LRRIQ3: variants seen among roughly 807,000 people sequenced by gnomAD.
LRRIQ3 encodes the protein leucine rich repeats and IQ motif containing 3, also known as leucine-rich repeat and IQ domain-containing protein 3.
A neutral mutation model predicts 59.3 loss-of-function variants in LRRIQ3; 75 were observed. The observed-to-expected ratio is 1.26, with a 90% CI of 1.05 to 1.53. LRRIQ3 has a LOEUF of 1.53. LRRIQ3 is among the 40% of genes most tolerant of loss of function. LRRIQ3 has a pLI of 0.00. For missense variants in LRRIQ3, 831 were observed against 710.0 expected (o/e 1.17, Z -1.94); for synonymous variants, 250 against 231.3 (o/e 1.08, Z -0.73).
intron 6 of LRRIQ3, among the ~76,000 whole-genome samples, chr1:74,065,549 T>C (rs1654842723): frequency 6.6e-6 from 1 of 152,136 alleles, no homozygotes; most frequent in East Asian, 1.9e-4. Context: ...TGTTCCTCCA[T>C]AGTTAACGTG....
intron 6 of LRRIQ3, among the ~76,000 whole-genome samples, chr1:74,063,644 C>T (rs191566814): frequency 6.6e-6 from 1 of 152,144 alleles, no homozygotes; most frequent in East Asian, 1.9e-4. Flanking sequence ...TGACATGCCT[C>T]TCTTTATTTC....
intron 6 of LRRIQ3, among the ~76,000 whole-genome samples, chr1:74,053,253 T>C (rs1224116261): frequency 1.3e-5 from 2 of 148,298 alleles, no homozygotes; most frequent in Middle Eastern, 3.5e-3. Context: ...AAATGGCTCA[T>C]AGATTTAAAT....
At chr1:74,040,036 A>G (rs757053545) in intron 7 of LRRIQ3, among the ~76,000 whole-genome samples, 2 of 152,230 alleles carry the variant, frequency 1.3e-5, no homozygotes, top group Non-Finnish European at 2.9e-5. Context: ...TGTGTTCAGG[A>G]GACCCATCTC....
At chr1:74,193,604 T>G (rs570605128) in intron 1 of LRRIQ3, among the ~76,000 whole-genome samples, 2 of 152,232 alleles carry the variant, frequency 1.3e-5, no homozygotes, top group East Asian at 3.9e-4. Flanking sequence ...TAATAAATAT[T>G]GGGAAAAAAG....
intron 7 of LRRIQ3, among the ~76,000 whole-genome samples, chr1:74,038,226 C>T (rs1653932120): frequency 6.6e-6 from 1 of 152,180 alleles, no homozygotes. Context: ...AGGCCTGAAC[C>T]TGACCCATCC....
chr1:74,154,353 C>G (rs1294602372), intron 4 of LRRIQ3, among the ~76,000 whole-genome samples: 2 of 146,690 alleles, frequency 1.4e-5, no homozygotes, highest in Non-Finnish European at 3.0e-5. Context: ...GAAATAAGTA[C>G]TTTTTTTATC....
intron 5 of LRRIQ3, among the ~76,000 whole-genome samples, chr1:74,104,543 T>C (rs1646582367): frequency 6.6e-6 from 1 of 151,936 alleles, no homozygotes; most frequent in Non-Finnish European, 1.5e-5. Flanking sequence ...AAAGGAGACT[T>C]AAACACATAT....
At chr1:74,140,358 CTGAT>C (rs1214276410) in intron 4 of LRRIQ3, among the ~76,000 whole-genome samples, 1 of 151,698 alleles carries the variant, frequency 6.6e-6, no homozygotes, top group Non-Finnish European at 1.5e-5. Flanking sequence ...GTTCAATTGA[CTGAT>C]TGACATAATG....
intron 6 of LRRIQ3, among the ~76,000 whole-genome samples, chr1:74,052,209 C>T (rs572365167): frequency 2.0e-5 from 3 of 152,020 alleles, no homozygotes; most frequent in South Asian, 2.1e-4. Context: ...CTTACTAGTC[C>T]GATGTCCACT....
intron 5 of LRRIQ3, among the ~76,000 whole-genome samples, chr1:74,097,752 A>C (rs1646468538): frequency 2.0e-5 from 3 of 152,194 alleles, no homozygotes; most frequent in Admixed American, 2.0e-4. Context: ...GCCAATATTC[A>C]ACATTCTTAA....
intron 4 of LRRIQ3, among the ~76,000 whole-genome samples, chr1:74,115,785 C>G (rs747666264): frequency 6.6e-6 from 1 of 151,972 alleles, no homozygotes; most frequent in Non-Finnish European, 1.5e-5. Context: ...GGTCATGAAT[C>G]TATACTGAGA....
At chr1:74,147,650 A>T (rs1234952747) in intron 4 of LRRIQ3, among the ~76,000 whole-genome samples, 1 of 152,206 alleles carries the variant, frequency 6.6e-6, no homozygotes, top group African/African-American at 2.4e-5. Context: ...ATACAGTTTT[A>T]ACTGTTAGTC....
intron 4 of LRRIQ3, among the ~76,000 whole-genome samples, chr1:74,125,398 T>C (rs1646920430): frequency 6.6e-6 from 1 of 152,008 alleles, no homozygotes; most frequent in Non-Finnish European, 1.5e-5. Flanking sequence ...CTATGTTGAA[T>C]AACAGTGATG....
At chr1:74,079,221 C>T (rs1032067346) in intron 5 of LRRIQ3, among the ~76,000 whole-genome samples, 1 of 151,734 alleles carries the variant, frequency 6.6e-6, no homozygotes, top group African/African-American at 2.4e-5. Flanking sequence ...AGGTATAGAA[C>T]ATCATCAAAA....
chr1:74,163,374 G>A (rs1399982215), intron 3 of LRRIQ3, among the ~76,000 whole-genome samples: 1 of 151,456 alleles, frequency 6.6e-6, no homozygotes. Context: ...AGGATCACTT[G>A]GTAAACACTG....
intron 6 of LRRIQ3, among the ~76,000 whole-genome samples, chr1:74,047,108 T>A (rs567259836): frequency 6.6e-6 from 1 of 152,186 alleles, no homozygotes; most frequent in South Asian, 2.1e-4. Flanking sequence ...GCCCAAAGGA[T>A]TATAAATCAT....
At chr1:74,192,387 C>A (rs1161201072) in intron 1 of LRRIQ3, among the ~76,000 whole-genome samples, 5 of 152,108 alleles carry the variant, frequency 3.3e-5, no homozygotes, top group African/African-American at 1.2e-4. Context: ...TCAGCCCTTA[C>A]CTGTCATCCT....
At chr1:74,180,854 C>A in intron 3 of LRRIQ3, 1 of 1,493,918 alleles carries the variant, frequency 6.7e-7, no homozygotes, top group Non-Finnish European at 9.1e-7. Flanking sequence ...TCCCCATCCA[C>A]CCTAGCTAAT....
intron 4 of LRRIQ3, among the ~76,000 whole-genome samples, chr1:74,144,830 A>G (rs1647461864): frequency 6.6e-6 from 1 of 151,586 alleles, no homozygotes; most frequent in South Asian, 2.1e-4. Context: ...TAATTCATAC[A>G]TGTATGTGTA....
Sources: allele counts gnomAD v4.1 joint callset (sites outside exome capture counted in the v4.1 genomes callset), GRCh38; gene constraint gnomAD v4.1.1; transcripts MANE v1.5; gene names NCBI Gene and HGNC (gene_info 2026-07-23, HGNC 2026-07-21).